ANKS1B: variants seen among roughly 807,000 people sequenced by gnomAD.
ANKS1B encodes the protein ankyrin repeat and sterile alpha motif domain-containing protein 1B.
Under a neutral mutation model 148.3 loss-of-function variants are expected in ANKS1B, and 36 were observed. The ratio of observed to expected loss-of-function variants is 0.24; its 90% CI spans 0.19 to 0.32. The LOEUF (loss-of-function observed/expected upper bound fraction) is 0.32, where lower values mean the gene tolerates loss of function less well. ANKS1B is among the 10% of genes least tolerant of loss of function. The pLI is 1.00. For synonymous variants in ANKS1B, 542 were observed against 560.8 expected (o/e 0.97, Z 0.47); for missense variants, 1,157 against 1,542.6 (o/e 0.75, Z 4.19).
intron 4 of ANKS1B, among the ~76,000 whole-genome samples, chr12:99,796,106 A>G (rs1017765722): frequency 1.3e-5 from 2 of 151,996 alleles, no homozygotes; most frequent in African/African-American, 4.8e-5. Flanking sequence ...ATTAAGTAAA[A>G]TATGGGTGAC....
At chr12:99,569,705 T>C (rs1382309900) in intron 9 of ANKS1B, among the ~76,000 whole-genome samples, 2 of 152,134 alleles carry the variant, frequency 1.3e-5, no homozygotes, top group African/African-American at 2.4e-5. Flanking sequence ...TTTCACCCAA[T>C]GTCCACCCCA....
chr12:99,750,189 A>G (rs1173917295), intron 8 of ANKS1B, among the ~76,000 whole-genome samples: 1 of 152,042 alleles, frequency 6.6e-6, no homozygotes, highest in Admixed American at 6.6e-5. Context: ...TTTTTATGTG[A>G]GTGAATGCAT....
intron 12 of ANKS1B, among the ~76,000 whole-genome samples, chr12:99,248,019 GGTAA>G (rs2074087061): frequency 6.6e-6 from 1 of 151,916 alleles, no homozygotes; most frequent in Non-Finnish European, 1.5e-5. Context: ...ACATTTAATG[GGTAA>G]GTGTTATTTA....
At chr12:99,798,508 C>T (rs1354037699) in intron 4 of ANKS1B, among the ~76,000 whole-genome samples, 2 of 151,336 alleles carry the variant, frequency 1.3e-5, no homozygotes, top group African/African-American at 2.4e-5. Flanking sequence ...AGTTGGAAGG[C>T]AGCAGCTCTT....
intron 17 of ANKS1B, among the ~76,000 whole-genome samples, chr12:98,861,935 G>A (rs909520501): frequency 1.1e-4 from 17 of 152,108 alleles, no homozygotes; most frequent in African/African-American, 3.4e-4. Flanking sequence ...ATTTTGGGGT[G>A]AGTGTTCTCT....
At chr12:99,342,808 A>C (rs2090120836) in intron 12 of ANKS1B, among the ~76,000 whole-genome samples, 1 of 151,450 alleles carries the variant, frequency 6.6e-6, no homozygotes, top group African/African-American at 2.4e-5. Context: ...AGAATAATTA[A>C]AATTAAGTAG....
intron 15 of ANKS1B, among the ~76,000 whole-genome samples, chr12:99,124,178 G>A (rs2153733267): frequency 6.6e-6 from 1 of 152,282 alleles, no homozygotes; most frequent in East Asian, 1.9e-4. Flanking sequence ...GGCTCAAGAA[G>A]GAAAGGGGAT....
At chr12:99,849,834 C>A (rs908922126) in intron 1 of ANKS1B, among the ~76,000 whole-genome samples, 2 of 152,054 alleles carry the variant, frequency 1.3e-5, no homozygotes, top group African/African-American at 4.8e-5. Context: ...TAGAACAGGG[C>A]ACAACTGGGG....
intron 12 of ANKS1B, among the ~76,000 whole-genome samples, chr12:99,301,573 T>A (rs570663951): frequency 2.5e-4 from 38 of 152,172 alleles, no homozygotes; most frequent in Non-Finnish European, 5.0e-4. Context: ...TCAAAATACA[T>A]TTATGTATTA....
intron 1 of ANKS1B, among the ~76,000 whole-genome samples, chr12:99,934,567 A>T (rs938432059): frequency 1.3e-5 from 2 of 152,076 alleles, no homozygotes; most frequent in African/African-American, 4.8e-5. Flanking sequence ...AGCTGCTCAC[A>T]CTAGTCTCTA....
intron 9 of ANKS1B, among the ~76,000 whole-genome samples, chr12:99,642,221 G>T (rs868576572): frequency 6.6e-6 from 1 of 152,144 alleles, no homozygotes; most frequent in East Asian, 1.9e-4. Context: ...ACAAATGCTT[G>T]ACAGGAAAGC....
At chr12:99,499,390 G>A (rs570052288) in intron 10 of ANKS1B, among the ~76,000 whole-genome samples, 1 of 152,090 alleles carries the variant, frequency 6.6e-6, no homozygotes, top group African/African-American at 2.4e-5. Context: ...TGCAAACTAA[G>A]TCTTTACCCA....
chr12:99,696,258 G>C (rs190188308), intron 8 of ANKS1B, among the ~76,000 whole-genome samples: 1 of 152,226 alleles, frequency 6.6e-6, no homozygotes, highest in Admixed American at 6.5e-5. Flanking sequence ...AGATGATGTA[G>C]AGTCATTTTA....
intron 15 of ANKS1B, among the ~76,000 whole-genome samples, chr12:99,128,090 T>C (rs765154141): frequency 3.3e-5 from 5 of 152,196 alleles, no homozygotes; most frequent in African/African-American, 1.2e-4. Context: ...TAAATACTTA[T>C]AATCGTTTCA....
At chr12:99,086,519 G>A (rs1053210004) in intron 15 of ANKS1B, among the ~76,000 whole-genome samples, 2 of 152,120 alleles carry the variant, frequency 1.3e-5, no homozygotes, top group African/African-American at 4.8e-5. Context: ...GTTACATGCT[G>A]AGATTCCAAA....
At chr12:99,138,030 G>A (rs1316075333) in intron 15 of ANKS1B, among the ~76,000 whole-genome samples, 2 of 152,072 alleles carry the variant, frequency 1.3e-5, no homozygotes, top group Non-Finnish European at 2.9e-5. Context: ...GTAAGCAAAT[G>A]TGTTTATTAT....
At chr12:99,344,945 C>A (rs2152348340) in intron 12 of ANKS1B, 1 of 152,128 alleles carries the variant, frequency 6.6e-6, no homozygotes, top group South Asian at 2.1e-4. Context: ...TTTCAAATGG[C>A]TTGCAAAGAA....
chr12:99,728,006 G>A (rs1249506459), intron 8 of ANKS1B, among the ~76,000 whole-genome samples: 1 of 152,098 alleles, frequency 6.6e-6, no homozygotes, highest in Non-Finnish European at 1.5e-5. Flanking sequence ...AGACTTAAAT[G>A]TAAAACCCAA....
intron 14 of ANKS1B, among the ~76,000 whole-genome samples, chr12:99,211,209 C>G (rs923648342): frequency 1.3e-5 from 2 of 152,172 alleles, no homozygotes; most frequent in Non-Finnish European, 2.9e-5. Context: ...AAGCCATTGG[C>G]TAGCACTGAG....
Sources: allele counts gnomAD v4.1 joint callset (sites outside exome capture counted in the v4.1 genomes callset), GRCh38; gene constraint gnomAD v4.1.1; transcripts MANE v1.5; gene names NCBI Gene and HGNC (gene_info 2026-07-23, HGNC 2026-07-21).